TMC3: variants seen among roughly 807,000 people sequenced by gnomAD.
TMC3 encodes transmembrane channel-like protein 3.
TMC3 carries 98 observed loss-of-function variants against 110.6 expected under a neutral mutation model. That is an observed-to-expected ratio of 0.89 (90% CI 0.75 to 1.05). TMC3 has a LOEUF of 1.05. Ranked by LOEUF, TMC3 falls within the 50% of genes least tolerant of loss-of-function variation. The pLI is 0.00. For synonymous variants in TMC3, 489 were observed against 513.1 expected, an observed-to-expected ratio of 0.95 and a Z score of 0.63; for missense variants, 1,319 against 1,373.2, an observed-to-expected ratio of 0.96 and a Z score of 0.62.
chr15:81,369,753 A>T (rs181434446), intron 2 of TMC3, among the ~76,000 whole-genome samples: 1 of 151,798 alleles, frequency 6.6e-6, no homozygotes, highest in African/African-American at 2.4e-5. Flanking sequence ...GTGAGATCCC[A>T]TCTCTACAAA....
Position 81,346,359 on chromosome 15 carries a change from ACTCACCTCAAT to A in TMC3, c.1267_1272+5del. 6.2e-7 allele frequency: 1 copy of A among 1,613,288 alleles called. No homozygotes were observed. Among genetic ancestry groups the A allele is most frequent in the Non-Finnish European group, 8.5e-7 (1 of 1,179,584 alleles). On this transcript the variant is annotated splice_donor_variant and splice_donor_5th_base_variant and coding_sequence_variant and intron_variant, in exon 12 of 22. Transcript: ENST00000359440. LOFTEE classifies it high-confidence loss of function. ...GGGCAGGCAACTATCTGGGATGGGC[ACTCACCTCAAT>A]GCTCATGCTGTTAACTTTGTCCAGG...
rs1338308552 is a variant in TMC3, at chr15:81,344,797, T to G, written c.1487A>C (p.Gln496Pro). 1 of 1,613,798 alleles carries G rather than the reference T, an allele frequency of 6.2e-7. No homozygotes were observed. The highest frequency in any genetic ancestry group is 8.5e-7 in the Non-Finnish European group (1 of 1,179,878). Residue 496 changes from glutamine to proline, a missense_variant, in exon 13 of 22, where the codon CAA (glutamine) becomes CCA (proline). By Grantham distance (76) the Gln-to-Pro change is moderately conservative. Transcript: ENST00000359440. ...NKTSLHTQSP[Q>P]DQCWETYVGQ... ...AACGTATGTCTCCCAGCACTGGTCTTGTGGACTCTGAGTGTGGAGGCTAGT... is the reference window on the plus strand; with the variant it reads ...AACGTATGTCTCCCAGCACTGGTCTGGTGGACTCTGAGTGTGGAGGCTAGT...
intron 12 of TMC3, among the ~76,000 whole-genome samples, chr15:81,345,542 C>G (rs1018213793): frequency 4.6e-5 from 7 of 152,162 alleles, no homozygotes; most frequent in African/African-American, 1.4e-4. Flanking sequence ...TTTCCTCCCC[C>G]ATTCAGGATA....
At chr15:81,351,439 G>A (rs1436584911) in intron 10 of TMC3, among the ~76,000 whole-genome samples, 2 of 145,988 alleles carry the variant, frequency 1.4e-5, no homozygotes, top group Non-Finnish European at 1.5e-5. Context: ...TCTAGCCTCC[G>A]TCGCCTGGGT....
intron 5 of TMC3, 76 bp from the exon 6 acceptor site, chr15:81,358,576 A>C: frequency 1.2e-5 from 15 of 1,210,976 alleles, no homozygotes; most frequent in Non-Finnish European, 1.6e-5. Flanking sequence ...GTTGATCTCC[A>C]TGTGCTTGTG....
intron 3 of TMC3, among the ~76,000 whole-genome samples, chr15:81,367,305 A>G (rs1397150081): frequency 6.6e-6 from 1 of 152,178 alleles, no homozygotes; most frequent in Non-Finnish European, 1.5e-5. Context: ...AAAAAATAAT[A>G]TAATGGTGTT....
At chr15:81,366,363 A>G (rs1304068804) in intron 3 of TMC3, among the ~76,000 whole-genome samples, 1 of 152,228 alleles carries the variant, frequency 6.6e-6, no homozygotes, top group Non-Finnish European at 1.5e-5. Flanking sequence ...CAGCCAGTAC[A>G]AGTTGTGGGT....
Position 81,334,807 on chromosome 15 carries a change from A to G in TMC3, c.2372T>C (p.Met791Thr), listed in dbSNP as rs1893554609. The change falls in exon 21 of 22, where the codon ATG becomes ACG. Residue 791 changes from methionine (M) to threonine (T), a missense_variant. Transcript: ENST00000359440. ...SGRIETVAQS[M>T]PQSPRPGDRA... ...GTCCCCTGGCCTCGGGCTCTGGGGC[A>G]TGGACTGTGCGACTGTCTCTATCCT... The G allele has an allele frequency of 1.2e-6, 2 of 1,613,880 alleles. No homozygotes were observed. Among genetic ancestry groups the G allele is most frequent in the South Asian group, 2.2e-5 (2 of 91,090 alleles).
intron 7 of TMC3, among the ~76,000 whole-genome samples, chr15:81,357,233 T>TA (rs948212282): frequency 6.6e-6 from 1 of 152,142 alleles, no homozygotes; most frequent in African/African-American, 2.4e-5. Context: ...GGAGCTAAGC[T>TA]GGAAAGCTTC....
At chr15:81,335,106 G>T in intron 20 of TMC3, 131 bp from the exon 21 acceptor site, 2 of 945,316 alleles carry the variant, frequency 2.1e-6, no homozygotes, top group African/African-American at 1.7e-5. Flanking sequence ...ACTTACAAAT[G>T]CACCTAACCA....
intron 16 of TMC3, among the ~76,000 whole-genome samples, chr15:81,340,661 A>C (rs1596080864): frequency 1.3e-5 from 2 of 152,376 alleles, no homozygotes; most frequent in African/African-American, 4.8e-5. Flanking sequence ...GCTGCTAGAC[A>C]TGTAAAATGG....
At position 81,372,620 on chromosome 15, in the gene TMC3, C is replaced by T. The variant is rs530925458; in HGVS notation, c.207G>A (p.Trp69Ter). ...ATGCCCTCAGCTTCTGTCCCATAGT[C>T]CAGGGTCTGCAGCGAATGTTTGCCA... Reference protein sequence around the residue: ...DLMANIRCRPWTMGQKLRALR... With the variant: ...DLMANIRCRP The change falls in exon 2 of 22, where the codon TGG becomes TGA. Residue 69 changes from tryptophan (W) to a stop codon, truncating the protein, a stop_gained. Transcript: ENST00000359440. LOFTEE classifies it high-confidence loss of function. 1 of 1,613,588 alleles carries T rather than the reference C, an allele frequency of 6.2e-7. No individual in the cohort carries two copies. The highest frequency in any genetic ancestry group is 1.1e-5 in the South Asian group (1 of 91,070).
rs371854469 is a variant in TMC3, at chr15:81,334,947, G to A, written c.2232C>T (p.Thr744=). 1.7e-5 allele frequency: 27 copies of A among 1,613,882 alleles called. No homozygotes were observed. The African/African-American group carries it at 3.1e-4, about 18-fold the overall frequency. ...EARIQTQEES[T]KKLPNDSDLT... The stretch of plus-strand genomic sequence containing the variant: ...GATCACTGTCGTTTGGAAGCTTCTT[G>A]GTGCTTTCTTCCTGGGTCTGGATTC... The change falls in exon 21 of 22, where the codon ACC becomes ACT. Residue 744 remains threonine, a synonymous_variant. Coordinates refer to ENST00000359440, the MANE Select transcript of TMC3 (RefSeq NM_001080532.3).
At chr15:81,348,988 T>G (rs1893884019) in intron 11 of TMC3, among the ~76,000 whole-genome samples, 1 of 152,114 alleles carries the variant, frequency 6.6e-6, no homozygotes, top group South Asian at 2.1e-4. Flanking sequence ...ATTTTTTAAT[T>G]TTTTAAATTT....
Position 81,334,961 on chromosome 15 carries a change from G to A in TMC3, c.2218C>T (p.Gln740Ter), listed in dbSNP as rs751140820. The A allele has an allele frequency of 6.2e-7, 1 of 1,613,896 alleles. No homozygotes were observed. Among genetic ancestry groups the A allele is most frequent in the Non-Finnish European group, 8.5e-7 (1 of 1,179,778 alleles). Reference sequence around the variant, plus strand: ...GGAAGCTTCTTGGTGCTTTCTTCCTGGGTCTGGATTCGGGCTGCAGGGAGA... The same window carrying A: ...GGAAGCTTCTTGGTGCTTTCTTCCTAGGTCTGGATTCGGGCTGCAGGGAGA... Reference protein sequence around the residue: ...AQMVEARIQTQEESTKKLPND... With the variant: ...AQMVEARIQT Residue 740 changes from glutamine to a stop codon, truncating the protein, a stop_gained, in exon 21 of 22, where the codon CAG (glutamine) becomes TAG (stop). Coordinates refer to ENST00000359440, the MANE Select transcript of TMC3 (RefSeq NM_001080532.3). LOFTEE classifies it high-confidence loss of function.
rs778478733 is a variant in TMC3 at position 81,332,455 on chromosome 15, G to T, written c.3267C>A (p.Thr1089=). Residue 1089 remains threonine (T), a synonymous_variant, in exon 22 of 22, where the codon ACC becomes ACA. Transcript: ENST00000359440. ...RRKAKSGQEL[T]VDLDDLICSD... Reference sequence around the variant, plus strand: ...AACAAATCAAGTCATCCAGATCCACGGTCAGCTCCTGCCCCGACTTGGCCT... The same window carrying T: ...AACAAATCAAGTCATCCAGATCCACTGTCAGCTCCTGCCCCGACTTGGCCT... 4 of 1,611,428 alleles carry T rather than the reference G, an allele frequency of 2.5e-6. No homozygotes were observed. Among genetic ancestry groups the T allele is most frequent in the South Asian group, 1.1e-5 (1 of 90,594 alleles).
chr15:81,355,773 A>C lies in TMC3; in HGVS notation c.892-5T>G, dbSNP rs1278570505. On this transcript the variant is annotated splice_region_variant and splice_polypyrimidine_tract_variant and intron_variant, in intron 8 of 21. Transcript: ENST00000359440. ...CTGTTCTTCCAATATAGCTTCCTTT[A>C]AGAAAAATACATACAGCAATAAAAG... The C allele has an allele frequency of 6.4e-7, 1 of 1,569,608 alleles. No individual in the cohort carries two copies. The highest frequency in any genetic ancestry group is 1.4e-5 in the African/African-American group (1 of 73,826).
At position 81,344,830 on chromosome 15, in the gene TMC3, G is replaced by A; in HGVS notation, c.1454C>T (p.Ala485Val). ...ISAYTMPLIK[A>V]NKTSLHTQSP... ...CTGAGTGTGGAGGCTAGTCTTGTTG[G>A]CCTTTATAAGAGGCATGGTATAAGC... Residue 485 changes from alanine (A) to valine (V), a missense_variant, in exon 13 of 22, where the codon GCC (alanine) becomes GTC (valine). Transcript: ENST00000359440. 6.2e-7 allele frequency: 1 copy of A among 1,613,882 alleles called. No individual in the cohort carries two copies. Among genetic ancestry groups the A allele is most frequent in the Non-Finnish European group, 8.5e-7 (1 of 1,179,872 alleles).
rs765039480 is a variant in TMC3, at chr15:81,332,509, C to CG, written c.3212dup (p.Arg1072GlufsTer23). Reference sequence around the variant, plus strand: ...TCCTGCTGGGCTGGCCCACGGACCTCGGGAACCTGCCCTGGCTGTGGGTGA... The same window carrying CG: ...TCCTGCTGGGCTGGCCCACGGACCTCGGGGAACCTGCCCTGGCTGTGGGTGA... On this transcript the variant is annotated frameshift_variant, in exon 22 of 22. Coordinates refer to ENST00000359440, the MANE Select transcript of TMC3 (RefSeq NM_001080532.3). LOFTEE classifies it low-confidence loss of function (END_TRUNC). 1 of 1,613,520 alleles carries CG rather than the reference C, an allele frequency of 6.2e-7. No homozygotes were observed. Among genetic ancestry groups the CG allele is most frequent in the Non-Finnish European group, 8.5e-7 (1 of 1,179,732 alleles).
Sources: gnomAD v4.1 joint callset for allele counts (sites outside exome capture counted in the v4.1 genomes callset) on GRCh38, gnomAD v4.1.1 for gene constraint, MANE v1.5 for transcripts, NCBI Gene and HGNC (gene_info 2026-07-23, HGNC 2026-07-21) for gene names.